AJAP1: variants seen among roughly 807,000 people sequenced by gnomAD.
AJAP1 encodes the protein adherens junctions associated protein 1.
AJAP1 carries 5 observed loss-of-function variants against 35.0 expected under a neutral mutation model. That is an observed-to-expected ratio of 0.14 (90% confidence interval 0.07 to 0.30). The LOEUF (loss-of-function observed/expected upper bound fraction) is 0.30, where lower values mean the gene tolerates loss of function less well. Ranked by LOEUF, AJAP1 falls within the 10% of genes least tolerant of loss-of-function variation. The pLI, the probability that AJAP1 is intolerant of heterozygous loss-of-function variation, is 1.00. For missense variants in AJAP1, 586 were observed against 571.0 expected (o/e 1.03, Z -0.27); for synonymous variants, 284 against 249.3 (o/e 1.14, Z -1.31).
chr1:4,767,188 C>T (rs894295569), intron 2 of AJAP1, among the ~76,000 whole-genome samples: 5 of 152,172 alleles, frequency 3.3e-5, no homozygotes, highest in African/African-American at 7.2e-5. Context: ...TTTAATGATA[C>T]ATCATGCAGC....
At chr1:4,719,664 C>T (rs1254772788) in intron 2 of AJAP1, among the ~76,000 whole-genome samples, 1 of 152,160 alleles carries the variant, frequency 6.6e-6, no homozygotes, top group African/African-American at 2.4e-5. Flanking sequence ...GCCTCTGGAA[C>T]AGATGCTGAA....
At chr1:4,739,016 G>C (rs536545482) in intron 2 of AJAP1, among the ~76,000 whole-genome samples, 63 of 152,188 alleles carry the variant, frequency 4.1e-4, no homozygotes, top group South Asian at 1.0e-3. Context: ...ATTGAGATGT[G>C]GGGGAGGCAG....
intron 2 of AJAP1, among the ~76,000 whole-genome samples, chr1:4,761,965 G>A (rs946765776): frequency 1.3e-5 from 2 of 152,130 alleles, no homozygotes; most frequent in Admixed American, 1.3e-4. Context: ...AGACCCATCA[G>A]AAACAACACT....
intron 1 of AJAP1, among the ~76,000 whole-genome samples, chr1:4,706,369 A>G (rs1242226173): frequency 6.6e-6 from 1 of 152,252 alleles, no homozygotes; most frequent in African/African-American, 2.4e-5. Flanking sequence ...ACTTACTGGT[A>G]TGAATGACAG....
At chr1:4,660,330 C>T (rs144662738) in intron 1 of AJAP1, among the ~76,000 whole-genome samples, 8 of 152,250 alleles carry the variant, frequency 5.3e-5, no homozygotes, top group African/African-American at 1.4e-4. Context: ...GAGTGGGGAA[C>T]GGAAGGAAAG....
intron 2 of AJAP1, among the ~76,000 whole-genome samples, chr1:4,757,613 C>G (rs894899457): frequency 2.0e-5 from 3 of 152,190 alleles, no homozygotes; most frequent in African/African-American, 7.2e-5. Flanking sequence ...TACAGACACT[C>G]ATGGTACCTC....
At chr1:4,688,150 C>T (rs929988957) in intron 1 of AJAP1, among the ~76,000 whole-genome samples, 2 of 152,138 alleles carry the variant, frequency 1.3e-5, no homozygotes, top group Non-Finnish European at 2.9e-5. Context: ...GCGGTGGCCC[C>T]AGTGAGACGG....
chr1:4,688,373 G>A (rs769787795), intron 1 of AJAP1, among the ~76,000 whole-genome samples: 3 of 152,140 alleles, frequency 2.0e-5, no homozygotes, highest in Non-Finnish European at 4.4e-5. Context: ...TAACTATTCC[G>A]GTTGACATTC....
At chr1:4,733,629 G>T (rs11588110) in intron 2 of AJAP1, among the ~76,000 whole-genome samples, 2,535 of 151,688 alleles carry the variant, frequency 0.017, 61 homozygotes, top group South Asian at 0.11. Flanking sequence ...AATGGGATGT[G>T]GAACACAGAT....
chr1:4,744,652 C>T (rs1238336356), intron 2 of AJAP1, among the ~76,000 whole-genome samples: 1 of 143,832 alleles, frequency 7.0e-6, no homozygotes, highest in South Asian at 2.2e-4. Context: ...CACACACACA[C>T]ATTCATGCCC....
At chr1:4,768,162 G>A (rs1453984206) in intron 2 of AJAP1, among the ~76,000 whole-genome samples, 1 of 152,258 alleles carries the variant, frequency 6.6e-6, no homozygotes, top group Non-Finnish European at 1.5e-5. Flanking sequence ...AATGAATGCA[G>A]CACCTTTATT....
chr1:4,751,027 CG>C (rs2100332267), intron 2 of AJAP1, among the ~76,000 whole-genome samples: 1 of 151,884 alleles, frequency 6.6e-6, no homozygotes, highest in East Asian at 2.0e-4. Context: ...GGTCACCACT[CG>C]ATAGTGACCA....
chr1:4,683,633 A>G (rs1311109211), intron 1 of AJAP1, among the ~76,000 whole-genome samples: 1 of 152,232 alleles, frequency 6.6e-6, no homozygotes, highest in Admixed American at 6.5e-5. Context: ...GGGTACCCAC[A>G]GTCTTTCCCC....
rs1313702960 is a variant in AJAP1 at position 4,753,007 on chromosome 1, T to C, written c.830-16846T>C. ...TTCTGGACTGTCCAGTGGGTCCCCT[T>C]GTATGACCTTCTCTCCATCCGTACC... On this transcript the variant is annotated intron_variant, in intron 2 of 5. Transcript: ENST00000378191. Among the ~76,000 whole-genome samples, 10 of 152,296 alleles carry C rather than the reference T, an allele frequency of 6.6e-5. No homozygotes were observed. The East Asian group carries it at 1.9e-3, about 29-fold the overall frequency.
intron 1 of AJAP1, among the ~76,000 whole-genome samples, chr1:4,711,490 T>TA (rs1249218900): frequency 1.3e-5 from 2 of 152,198 alleles, no homozygotes; most frequent in Non-Finnish European, 2.9e-5. Context: ...TCCTCTCACT[T>TA]ACGTCCTCTC....
intron 1 of AJAP1, among the ~76,000 whole-genome samples, chr1:4,707,807 C>T (rs754722585): frequency 2.0e-5 from 3 of 151,880 alleles, no homozygotes; most frequent in Non-Finnish European, 4.4e-5. Context: ...CTTTAGGGTT[C>T]CAAGGAATTG....
Position 4,724,242 on chromosome 1 carries a change from G to T in AJAP1, c.829+11543G>T, listed in dbSNP as rs1422149413. Among the ~76,000 whole-genome samples the T allele has an allele frequency of 2.0e-5, 3 of 152,130 alleles. No individual in the cohort carries two copies. In the South Asian group the frequency reaches 6.2e-4, roughly 31 times the overall value. On this transcript the variant is annotated intron_variant, in intron 2 of 5. Transcript: ENST00000378191. ...TGGTGGTGATGGCGGCCGGGATGAG[G>T]AAGGCTCAAGGAGAGGGGGCACTTG...
intron 1 of AJAP1, among the ~76,000 whole-genome samples, chr1:4,663,631 G>T (rs1639051543): frequency 1.3e-5 from 2 of 152,210 alleles, no homozygotes; most frequent in Non-Finnish European, 2.9e-5. Context: ...CTGGCCCCAT[G>T]AGTGTGGATG....
At chr1:4,657,745 A>G (rs1453448856) in intron 1 of AJAP1, among the ~76,000 whole-genome samples, 1 of 150,042 alleles carries the variant, frequency 6.7e-6, no homozygotes, top group Non-Finnish European at 1.5e-5. Context: ...GGGCTTTCTT[A>G]GTTCCGGCCC....
Sources: gnomAD v4.1 joint callset for allele counts (sites outside exome capture counted in the v4.1 genomes callset) on GRCh38, gnomAD v4.1.1 for gene constraint, MANE v1.5 for transcripts, NCBI Gene and HGNC (gene_info 2026-07-23, HGNC 2026-07-21) for gene names.